SH3KBP1: variants seen among roughly 807,000 people sequenced by gnomAD.
The protein encoded by SH3KBP1 is SH3 domain-containing kinase-binding protein 1.
A neutral mutation model predicts 50.1 loss-of-function variants in SH3KBP1; 8 were observed. The ratio of observed to expected loss-of-function variants is 0.16; its 90% CI spans 0.09 to 0.29. The LOEUF is 0.29. Ranked by LOEUF, SH3KBP1 falls within the 10% of genes least tolerant of loss-of-function variation. SH3KBP1 has a pLI of 1.00. For synonymous variants in SH3KBP1, 227 were observed against 218.6 expected (o/e 1.04, Z -0.34); for missense variants, 377 against 535.2 (o/e 0.70, Z 2.92).
intron 1 of SH3KBP1, among the ~76,000 whole-genome samples, chrX:19,841,198 A>T (rs925765293): frequency 6.3e-5 from 7 of 111,012 alleles, no homozygotes; most frequent in African/African-American, 2.3e-4. Flanking sequence ...TCTGTGACCC[A>T]GTCCTTCCCT....
At chrX:19,578,872 A>T (rs1222642383) in intron 12 of SH3KBP1, among the ~76,000 whole-genome samples, 2 of 111,747 alleles carry the variant, frequency 1.8e-5, no homozygotes, top group Non-Finnish European at 3.8e-5. Flanking sequence ...TGCTCCTCAG[A>T]TGGAGGGCAG....
intron 6 of SH3KBP1, among the ~76,000 whole-genome samples, chrX:19,669,026 G>A (rs1395731732): frequency 1.1e-5 from 1 of 88,976 alleles, no homozygotes; most frequent in Admixed American, 1.4e-4. Context: ...GCAGTGACAC[G>A]ATCTCAGCTC....
At chrX:19,671,142 T>A in intron 6 of SH3KBP1, 1 of 479,209 alleles carries the variant, frequency 2.1e-6, no homozygotes, top group South Asian at 7.9e-5. Flanking sequence ...GGCCCCCAGG[T>A]GTGACCATTC....
At chrX:19,862,983 C>A (rs2068814859) in intron 1 of SH3KBP1, among the ~76,000 whole-genome samples, 1 of 111,879 alleles carries the variant, frequency 8.9e-6, no homozygotes, top group Admixed American at 9.5e-5. Context: ...ACAAAAGAAT[C>A]TAGAAATAAC....
intron 7 of SH3KBP1, 57 bp downstream of exon 7, chrX:19,645,343 T>C (rs2061966566): frequency 1.1e-6 from 1 of 935,764 alleles, no homozygotes; most frequent in Non-Finnish European, 1.5e-6. Context: ...AACATTTCTG[T>C]TATTGGGAAA....
At chrX:19,589,260 G>A in intron 11 of SH3KBP1, among the ~76,000 whole-genome samples, 1 of 112,455 alleles carries the variant, frequency 8.9e-6, no homozygotes, top group Non-Finnish European at 1.9e-5. Flanking sequence ...CAGGGCCCAA[G>A]TCTGGTCATC....
At chrX:19,791,387 A>G (rs1485557902) in intron 2 of SH3KBP1, among the ~76,000 whole-genome samples, 2 of 111,558 alleles carry the variant, frequency 1.8e-5, no homozygotes, top group East Asian at 5.6e-4. Context: ...TAGGGCACCA[A>G]TTAAACAGAA....
intron 1 of SH3KBP1, among the ~76,000 whole-genome samples, chrX:19,853,047 G>C (rs1465707510): frequency 1.8e-5 from 2 of 112,789 alleles, no homozygotes; most frequent in East Asian, 5.5e-4. Context: ...GGTGAGAAGA[G>C]AATTTGAGGA....
chrX:19,751,532 A>G (rs1416860040), intron 2 of SH3KBP1, among the ~76,000 whole-genome samples: 7 of 111,865 alleles, frequency 6.3e-5, no homozygotes, highest in Non-Finnish European at 1.1e-4. Flanking sequence ...TATAGAACAG[A>G]CAGGGTATCA....
chrX:19,599,889 T>C (rs1467153951), intron 9 of SH3KBP1, among the ~76,000 whole-genome samples: 2 of 110,729 alleles, frequency 1.8e-5, no homozygotes, highest in Non-Finnish European at 3.8e-5. Context: ...GGCTCACGCC[T>C]GTAATCCCAG....
At chrX:19,751,855 C>T (rs2065075864) in intron 2 of SH3KBP1, among the ~76,000 whole-genome samples, 1 of 112,114 alleles carries the variant, frequency 8.9e-6, no homozygotes, top group Admixed American at 9.5e-5. Flanking sequence ...GCAGCCTCAC[C>T]GGGCAAACAG....
At position 19,542,232 on chromosome X, in the gene SH3KBP1, ATTTGTGTGCTGCGTC is replaced by A. The variant is rs756630163; in HGVS notation, c.1624-54_1624-40del. On this transcript the variant is annotated intron_variant, in intron 15 of 17. Coordinates refer to ENST00000397821, the MANE Select transcript of SH3KBP1 (RefSeq NM_031892.3). ...AGGCAGGGAGGGTTCAGGGCCGGGGATTTGTGTGCTGCGTCTTTGTCCTGGTTAGTCAAACTCTCC... is the reference window on the plus strand; with the variant it reads ...AGGCAGGGAGGGTTCAGGGCCGGGGATTTGTCCTGGTTAGTCAAACTCTCC... 51 of 1,124,687 alleles carry A rather than the reference ATTTGTGTGCTGCGTC, an allele frequency of 4.5e-5. No individual in the cohort carries two copies. In the East Asian group the frequency reaches 1.3e-3, roughly 30 times the overall value. The allele number at this position is 1,124,687 out of a possible 1,213,427, so 92.7% of individuals were successfully genotyped here.
chrX:19,819,274 C>A (rs1281989749), intron 2 of SH3KBP1, among the ~76,000 whole-genome samples: 1 of 111,550 alleles, frequency 9.0e-6, no homozygotes, highest in African/African-American at 3.3e-5. Flanking sequence ...TCCTACTATG[C>A]TAATTTGTGT....
At chrX:19,592,620 G>A (rs1357715475) in intron 10 of SH3KBP1, among the ~76,000 whole-genome samples, 1 of 112,054 alleles carries the variant, frequency 8.9e-6, no homozygotes, top group Non-Finnish European at 1.9e-5. Context: ...AGTAAGAGGT[G>A]AGGTCTACAT....
chrX:19,799,832 CCTCCCACTACACA>C, intron 2 of SH3KBP1: 1 of 1,073,268 alleles, frequency 9.3e-7, no homozygotes. Flanking sequence ...CCCGCCTGCC[CCTCCCACTACACA>C]CTCACACTGG....
intron 2 of SH3KBP1, among the ~76,000 whole-genome samples, chrX:19,774,447 G>A (rs887798363): frequency 4.6e-5 from 5 of 109,844 alleles, no homozygotes; most frequent in Admixed American, 9.8e-5. Flanking sequence ...TGAGGCGGGC[G>A]GATCACGAGG....
chrX:19,587,760 A>T (rs762777194), intron 12 of SH3KBP1, among the ~76,000 whole-genome samples: 17 of 111,886 alleles, frequency 1.5e-4, no homozygotes, highest in Non-Finnish European at 3.0e-4. Flanking sequence ...TCTGACTCCA[A>T]CGCAAGAGCT....
chrX:19,564,469 ACT>A (rs1414141693), intron 13 of SH3KBP1, among the ~76,000 whole-genome samples: 10 of 109,128 alleles, frequency 9.2e-5, no homozygotes, highest in Non-Finnish European at 1.3e-4. Context: ...CAAATCCAAT[ACT>A]CTTTCTATTT....
At chrX:19,788,519 A>G (rs1008438525) in intron 2 of SH3KBP1, among the ~76,000 whole-genome samples, 3 of 110,881 alleles carry the variant, frequency 2.7e-5, no homozygotes, top group African/African-American at 6.6e-5. Flanking sequence ...CCAGACAATA[A>G]ATTTCCACTG....
Sources: allele counts gnomAD v4.1 joint callset (sites outside exome capture counted in the v4.1 genomes callset), GRCh38; gene constraint gnomAD v4.1.1; transcripts MANE v1.5; gene names NCBI Gene and HGNC (gene_info 2026-07-23, HGNC 2026-07-21).